Variants in SGMS1 observed in about 807,000 individuals in gnomAD.
SGMS1 encodes the protein phosphatidylcholine:ceramide cholinephosphotransferase 1.
In SGMS1, 13 loss-of-function variants were observed where a neutral mutation model predicts 46.2. The ratio of observed to expected loss-of-function variants is 0.28; its 90% CI spans 0.18 to 0.45. The LOEUF is 0.45. Ranked by LOEUF, SGMS1 falls within the 20% of genes least tolerant of loss-of-function variation. The pLI, the probability that SGMS1 is intolerant of heterozygous loss-of-function variation, is 1.00. For missense variants in SGMS1, 324 were observed against 519.9 expected (o/e 0.62, Z 3.66); for synonymous variants, 203 against 187.8 (o/e 1.08, Z -0.66).
At chr10:50,397,758 AG>A (rs1227571491) in intron 6 of SGMS1, among the ~76,000 whole-genome samples, 3 of 152,222 alleles carry the variant, frequency 2.0e-5, no homozygotes, top group African/African-American at 7.2e-5. Flanking sequence ...GCAACCATTT[AG>A]GTTTCAGAGG....
At chr10:50,382,566 CAT>C (rs1491395960) in intron 6 of SGMS1, among the ~76,000 whole-genome samples, 5 of 82,890 alleles carry the variant, frequency 6.0e-5, no homozygotes, top group African/African-American at 8.5e-5. Context: ...CAAACACACA[CAT>C]ACACACACAC....
At chr10:50,310,538 C>A (rs552116175) in intron 9 of SGMS1, among the ~76,000 whole-genome samples, 3 of 151,912 alleles carry the variant, frequency 2.0e-5, no homozygotes, top group East Asian at 3.9e-4. Flanking sequence ...ATTTAAAAAA[C>A]CACAAAACAA....
chr10:50,524,609 T>C (rs1236524887), intron 2 of SGMS1, among the ~76,000 whole-genome samples: 2 of 152,212 alleles, frequency 1.3e-5, no homozygotes, highest in Non-Finnish European at 2.9e-5. Flanking sequence ...TATGATCTTA[T>C]TTAGTGCTAC....
In SGMS1 at chr10:50,533,405, C is replaced by T. The variant is rs1837972752; in HGVS notation, c.-588-13484G>A. 2.6e-5 allele frequency among the ~76,000 whole-genome samples: 4 copies of T among 151,998 alleles called. No individual in the cohort carries two copies. In the South Asian group the frequency reaches 8.3e-4, roughly 32 times the overall value. ...TTAATATAACAGTCCTTCCTTTGTT[C>T]TGGTTTTCAGCACAGTGAATCAAAA... On this transcript the variant is annotated intron_variant, in intron 2 of 10. Coordinates refer to ENST00000361781, the MANE Select transcript of SGMS1 (RefSeq NM_147156.4).
At chr10:50,474,840 C>T (rs1411584780) in intron 3 of SGMS1, among the ~76,000 whole-genome samples, 2 of 152,240 alleles carry the variant, frequency 1.3e-5, no homozygotes, top group South Asian at 2.1e-4. Context: ...ATGCTACAAC[C>T]TTAACCATAC....
chr10:50,592,629 C>G (rs75056062), intron 1 of SGMS1, among the ~76,000 whole-genome samples: 3,495 of 152,292 alleles, frequency 0.023, 65 homozygotes, highest in Non-Finnish European at 0.035. Context: ...GCAAGTATTA[C>G]TGAAGTTCCT....
In SGMS1 at chr10:50,487,179, G is replaced by C. The variant is rs565832734; in HGVS notation, c.-497-20247C>G. Among the ~76,000 whole-genome samples, 4 of 152,296 alleles carry C rather than the reference G, an allele frequency of 2.6e-5. No homozygotes were observed. In the South Asian group the frequency reaches 8.3e-4, roughly 32 times the overall value. ...TCAAAGGGTAGAGGGTGGAAGGAGGGAGAGGGACATGGTTGGAGCTGGAAG... is the reference window on the plus strand; with the variant it reads ...TCAAAGGGTAGAGGGTGGAAGGAGGCAGAGGGACATGGTTGGAGCTGGAAG... On this transcript the variant is annotated intron_variant, in intron 3 of 10. Coordinates refer to ENST00000361781, the MANE Select transcript of SGMS1 (RefSeq NM_147156.4).
At chr10:50,451,990 T>C (rs1255629032) in intron 5 of SGMS1, among the ~76,000 whole-genome samples, 1 of 151,988 alleles carries the variant, frequency 6.6e-6, no homozygotes, top group Non-Finnish European at 1.5e-5. Flanking sequence ...TACTACAGAG[T>C]CTCTCTCAGG....
chr10:50,483,634 T>C (rs1291588178), intron 3 of SGMS1, among the ~76,000 whole-genome samples: 1 of 152,080 alleles, frequency 6.6e-6, no homozygotes, highest in Non-Finnish European at 1.5e-5. Context: ...ATTGATTACA[T>C]AATTAGAAGT....
intron 6 of SGMS1, among the ~76,000 whole-genome samples, chr10:50,373,816 T>G (rs1275098962): frequency 6.6e-6 from 1 of 152,220 alleles, no homozygotes; most frequent in East Asian, 1.9e-4. Context: ...GAAACTACTT[T>G]CTTACCATAA....
At chr10:50,502,375 C>A (rs1169227613) in intron 3 of SGMS1, among the ~76,000 whole-genome samples, 2 of 151,878 alleles carry the variant, frequency 1.3e-5, no homozygotes, top group African/African-American at 4.8e-5. Context: ...AGGCTCCTCC[C>A]TAACTGAGCT....
chr10:50,546,402 G>T (rs958929829), intron 2 of SGMS1, among the ~76,000 whole-genome samples: 3 of 152,184 alleles, frequency 2.0e-5, no homozygotes, highest in Admixed American at 6.5e-5. Context: ...AAATCATGCT[G>T]CTATAAAGAC....
At chr10:50,375,437 T>G (rs1848509697) in intron 6 of SGMS1, among the ~76,000 whole-genome samples, 1 of 152,202 alleles carries the variant, frequency 6.6e-6, no homozygotes, top group South Asian at 2.1e-4. Flanking sequence ...GCATGGCTCA[T>G]GATAGCTATC....
intron 2 of SGMS1, among the ~76,000 whole-genome samples, chr10:50,581,946 A>G (rs935793407): frequency 1.6e-4 from 25 of 152,324 alleles, no homozygotes; most frequent in African/African-American, 5.8e-4. Flanking sequence ...CCATTTATGA[A>G]ATATCTGAGA....
intron 6 of SGMS1, among the ~76,000 whole-genome samples, chr10:50,367,958 A>G (rs566294760): frequency 6.8e-4 from 103 of 152,306 alleles, no homozygotes; most frequent in African/African-American, 2.4e-3. Flanking sequence ...GGGCAACGCA[A>G]AGTCTGTGAA....
chr10:50,461,027 AGT>A (rs1837258001), intron 4 of SGMS1, among the ~76,000 whole-genome samples: 1 of 152,082 alleles, frequency 6.6e-6, no homozygotes, highest in Non-Finnish European at 1.5e-5. Flanking sequence ...TATTTTTTAC[AGT>A]AGTATAATAT....
At chr10:50,456,720 A>C (rs72801776) in intron 5 of SGMS1, among the ~76,000 whole-genome samples, 26,628 of 152,120 alleles carry the variant, frequency 0.18, 2,642 homozygotes, top group Admixed American at 0.24. Flanking sequence ...TAGGAGAAGA[A>C]AAAAGGTTTA....
At chr10:50,501,995 C>T (rs1837665599) in intron 3 of SGMS1, among the ~76,000 whole-genome samples, 2 of 151,840 alleles carry the variant, frequency 1.3e-5, no homozygotes, top group African/African-American at 2.4e-5. Context: ...TCATTTGTTT[C>T]TTTGAGCAGA....
chr10:50,313,168 A>G (rs987732731), intron 8 of SGMS1, among the ~76,000 whole-genome samples: 1 of 152,238 alleles, frequency 6.6e-6, no homozygotes, highest in Non-Finnish European at 1.5e-5. Flanking sequence ...CGAAGGACAA[A>G]GAACTGCACA....
Sources: allele counts gnomAD v4.1 joint callset (sites outside exome capture counted in the v4.1 genomes callset), GRCh38; gene constraint gnomAD v4.1.1; transcripts MANE v1.5; gene names NCBI Gene and HGNC (gene_info 2026-07-23, HGNC 2026-07-21).